The following BMP8B variants were observed in gnomAD, a reference collection of about 807,000 sequenced individuals.
The protein encoded by BMP8B is bone morphogenetic protein 8 (osteogenic protein 2).
BMP8B carries 17 observed loss-of-function variants against 30.3 expected under a neutral mutation model. The ratio of observed to expected loss-of-function variants is 0.56; its 90% CI spans 0.38 to 0.84. BMP8B has a LOEUF of 0.84. BMP8B is among the 40% of genes least tolerant of loss of function. The pLI is 0.00. For synonymous variants in BMP8B, 131 were observed against 214.7 expected, an observed-to-expected ratio of 0.61 and a Z score of 3.41; for missense variants, 253 against 494.6, an observed-to-expected ratio of 0.51 and a Z score of 4.63.
At chr1:39,766,086 C>T (rs1649595160) in intron 3 of BMP8B, among the ~76,000 whole-genome samples, 1 of 151,198 alleles carries the variant, frequency 6.6e-6, no homozygotes, top group Non-Finnish European at 1.5e-5. Context: ...AATAAGTCTC[C>T]ACAATAAACA....
At chr1:39,780,867 G>C (rs1650589702) in intron 1 of BMP8B, among the ~76,000 whole-genome samples, 1 of 152,228 alleles carries the variant, frequency 6.6e-6, no homozygotes, top group South Asian at 2.1e-4. Context: ...CTGCACTCCA[G>C]CCTGGGTGAC....
At chr1:39,767,964 G>A (rs903445256) in intron 3 of BMP8B, among the ~76,000 whole-genome samples, 2 of 146,490 alleles carry the variant, frequency 1.4e-5, no homozygotes, top group Non-Finnish European at 3.0e-5. Context: ...CTTGACCAGT[G>A]AGAACTTACT....
At chr1:39,766,798 A>T (rs1294762522) in intron 3 of BMP8B, among the ~76,000 whole-genome samples, 1 of 149,364 alleles carries the variant, frequency 6.7e-6, no homozygotes, top group Non-Finnish European at 1.5e-5. Context: ...GCAGAAATAC[A>T]AGGAACAGAG....
chr1:39,767,814 C>A (rs2124448266), intron 3 of BMP8B, among the ~76,000 whole-genome samples: 1 of 113,470 alleles, frequency 8.8e-6, no homozygotes, highest in Middle Eastern at 3.8e-3. Flanking sequence ...GCCCCCAACC[C>A]CAGCCATAGT....
intron 1 of BMP8B, among the ~76,000 whole-genome samples, chr1:39,778,132 C>A (rs1336142156): frequency 2.0e-5 from 3 of 152,258 alleles, no homozygotes; most frequent in Admixed American, 6.5e-5. Flanking sequence ...GTGCCCCGGC[C>A]CCTTCTTCCC....
chr1:39,764,042 T>C, intron 4 of BMP8B: 1 of 465,296 alleles, frequency 2.1e-6, no homozygotes, highest in Non-Finnish European at 3.9e-6. Context: ...CCTATGAGCA[T>C]CTTTATGCTC....
intron 1 of BMP8B, among the ~76,000 whole-genome samples, chr1:39,777,894 G>A (rs1650342952): frequency 6.6e-6 from 1 of 152,132 alleles, no homozygotes; most frequent in Admixed American, 6.5e-5. Context: ...GCTCTCCCCG[G>A]GTGGCCCCGT....
chr1:39,764,210 C>T (rs543638580), intron 4 of BMP8B, among the ~76,000 whole-genome samples: 133 of 152,334 alleles, frequency 8.7e-4, no homozygotes, highest in Middle Eastern at 3.4e-3. Flanking sequence ...AAGGAGGGCA[C>T]GGGGTTGGGT....
Position 39,763,080 on chromosome 1 carries a change from C to T in BMP8B, c.1059+12G>A. ...ACCCCAGGGGGCTGGGCAGGATGGG[C>T]ATGGTACTGACCAGGGACTGCAGGA... On this transcript the variant is annotated intron_variant, in intron 6 of 6. Transcript: ENST00000372827. 6.2e-7 allele frequency: 1 copy of T among 1,612,786 alleles called. No individual in the cohort carries two copies. Among genetic ancestry groups the T allele is most frequent in the Non-Finnish European group, 8.5e-7 (1 of 1,178,866 alleles).
intron 3 of BMP8B, chr1:39,771,302 G>C (rs1411755125): frequency 7.0e-7 from 1 of 1,431,224 alleles, no homozygotes; most frequent in African/African-American, 1.5e-5. Context: ...AGCCCTGCGT[G>C]CGCCTCGGGC....
At chr1:39,763,680 T>C in intron 5 of BMP8B, 32 bp downstream of exon 5, 1 of 1,579,644 alleles carries the variant, frequency 6.3e-7, no homozygotes, top group African/African-American at 1.4e-5. Context: ...GTGGTGATTG[T>C]CATTTCAGAA....
At chr1:39,771,140 C>G in intron 3 of BMP8B, 1 of 1,555,686 alleles carries the variant, frequency 6.4e-7, no homozygotes, top group East Asian at 2.3e-5. Flanking sequence ...GAACTTGGCA[C>G]GGAGCCGGGG....
chr1:39,776,628 C>T (rs775167305), intron 1 of BMP8B, among the ~76,000 whole-genome samples: 61 of 152,198 alleles, frequency 4.0e-4, no homozygotes, highest in Non-Finnish European at 6.5e-4. Context: ...GGTGGCCGCT[C>T]ATCCCAGCCC....
chr1:39,778,829 G>A (rs916537699), intron 1 of BMP8B, among the ~76,000 whole-genome samples: 11 of 152,222 alleles, frequency 7.2e-5, no homozygotes, highest in African/African-American at 2.7e-4. Context: ...ATCCTCTCTT[G>A]CCTATGGGAA....
At chr1:39,770,489 G>T (rs755361091) in intron 3 of BMP8B, 7 of 1,610,140 alleles carry the variant, frequency 4.3e-6, no homozygotes, top group Middle Eastern at 3.3e-4. Context: ...GATGTCTTCT[G>T]GGGGGAAAGC....
chr1:39,782,960 AT>A (rs1196015926), intron 1 of BMP8B, among the ~76,000 whole-genome samples: 3 of 149,216 alleles, frequency 2.0e-5, no homozygotes, highest in African/African-American at 5.0e-5. Context: ...TGCCTGGCTA[AT>A]TTTTTTTGCA....
chr1:39,781,389 T>G (rs1337584761), intron 1 of BMP8B, among the ~76,000 whole-genome samples: 7 of 152,178 alleles, frequency 4.6e-5, no homozygotes, highest in Non-Finnish European at 8.8e-5. Context: ...GGCCTTGGGC[T>G]AAAAACAAAT....
intron 3 of BMP8B, among the ~76,000 whole-genome samples, chr1:39,765,958 C>T (rs1175747278): frequency 6.7e-6 from 1 of 148,580 alleles, no homozygotes; most frequent in Non-Finnish European, 1.5e-5. Context: ...CTGCTTGAGC[C>T]TGGGAGGTTG....
At chr1:39,763,913 C>G in intron 4 of BMP8B, 122 bp from the exon 5 acceptor site, 1 of 1,206,906 alleles carries the variant, frequency 8.3e-7, no homozygotes, top group South Asian at 1.5e-5. Flanking sequence ...GACAGGAAAC[C>G]ATTTGGTCTC....
Sources: gnomAD v4.1 joint callset for allele counts (sites outside exome capture counted in the v4.1 genomes callset) on GRCh38, gnomAD v4.1.1 for gene constraint, MANE v1.5 for transcripts, NCBI Gene and HGNC (gene_info 2026-07-23, HGNC 2026-07-21) for gene names.